PRKAR1B: variants seen among roughly 807,000 people sequenced by gnomAD.
PRKAR1B encodes protein kinase cAMP-dependent type I regulatory subunit beta.
A neutral mutation model predicts 46.5 loss-of-function variants in PRKAR1B; 22 were observed. The ratio of observed to expected loss-of-function variants is 0.47; its 90% confidence interval spans 0.34 to 0.68. The LOEUF (loss-of-function observed/expected upper bound fraction) is 0.68. PRKAR1B is among the 30% of genes least tolerant of loss of function. The probability of loss-of-function intolerance (pLI) is 0.01; values close to 1 mark genes in which losing one functional copy is unlikely to be tolerated. For synonymous variants in PRKAR1B, 259 were observed against 217.7 expected, an observed-to-expected ratio of 1.19 and a Z score of -1.67; for missense variants, 445 against 535.6, an observed-to-expected ratio of 0.83 and a Z score of 1.67.
At chr7:680,192 G>C (rs990932051) in intron 3 of PRKAR1B, among the ~76,000 whole-genome samples, 4 of 150,592 alleles carry the variant, frequency 2.7e-5, no homozygotes, top group African/African-American at 9.8e-5. Context: ...AGAGACCAGA[G>C]AGGCTGCAGG....
intron 7 of PRKAR1B, among the ~76,000 whole-genome samples, chr7:587,620 A>G (rs1389372885): frequency 1.3e-5 from 2 of 152,244 alleles, no homozygotes; most frequent in Non-Finnish European, 2.9e-5. Flanking sequence ...TCACATGGGA[A>G]AATGAGGGAC....
chr7:686,729 A>G (rs1400150323), intron 2 of PRKAR1B, among the ~76,000 whole-genome samples: 1 of 152,154 alleles, frequency 6.6e-6, no homozygotes, highest in Non-Finnish European at 1.5e-5. Flanking sequence ...CTACCACAGC[A>G]GAGAAGAATT....
intron 9 of PRKAR1B, among the ~76,000 whole-genome samples, chr7:559,244 G>C (rs112052058): frequency 6.6e-6 from 1 of 152,194 alleles, no homozygotes; most frequent in Non-Finnish European, 1.5e-5. Context: ...TCAGGGGGCG[G>C]CCAGTGAAGG....
At chr7:577,074 A>G (rs1382812295) in intron 9 of PRKAR1B, among the ~76,000 whole-genome samples, 3 of 151,048 alleles carry the variant, frequency 2.0e-5, no homozygotes, top group Admixed American at 6.6e-5. Context: ...ACCCAATGCC[A>G]TCAGCGGCCT....
At chr7:583,485 A>G (rs976401962) in intron 8 of PRKAR1B, among the ~76,000 whole-genome samples, 6 of 125,090 alleles carry the variant, frequency 4.8e-5, no homozygotes, top group Non-Finnish European at 1.1e-4. Context: ...ACCCACGCAC[A>G]CACGTGTGTG....
In PRKAR1B at chr7:563,529, G is replaced by T. The variant is rs146468245; in HGVS notation, c.892-12059C>A. 2.0e-5 allele frequency among the ~76,000 whole-genome samples: 3 copies of T among 152,374 alleles called. No homozygotes were observed. In the South Asian group the frequency reaches 6.2e-4, roughly 32 times the overall value. ...GCTTCAGCCTCTGCAACCTCTGCACGCTGGGTGTGTGTGTGCATGCATGTG... is the reference window on the plus strand; with the variant it reads ...GCTTCAGCCTCTGCAACCTCTGCACTCTGGGTGTGTGTGTGCATGCATGTG... On this transcript the variant is annotated intron_variant, in intron 9 of 10. Coordinates refer to ENST00000537384, the MANE Select transcript of PRKAR1B (RefSeq NM_001164760.2).
At chr7:601,859 T>TA (rs955462831) in intron 6 of PRKAR1B, among the ~76,000 whole-genome samples, 8 of 146,732 alleles carry the variant, frequency 5.5e-5, no homozygotes, top group African/African-American at 2.0e-4. Flanking sequence ...GCAGAGGCCT[T>TA]AAAGCTGCCT....
intron 4 of PRKAR1B, among the ~76,000 whole-genome samples, chr7:662,984 A>G (rs1374839872): frequency 1.3e-5 from 2 of 152,318 alleles, no homozygotes; most frequent in Admixed American, 1.3e-4. Context: ...GAAAAGATCT[A>G]AGAGTGTTCA....
In PRKAR1B at chr7:685,379, T is replaced by C. The variant is rs867877737; in HGVS notation, c.178-4653A>G. 1.6e-3 allele frequency among the ~76,000 whole-genome samples: 26 copies of C among 16,038 alleles called. 8 individuals are homozygous for C. The highest frequency in any genetic ancestry group is 9.9e-3 in the East Asian group (6 of 608). The allele number at this position is 16,038 out of a possible 152,430, so 10.5% of individuals were successfully genotyped here. A position where few individuals can be genotyped will look rare whatever the true frequency, so the allele number is the denominator to read the frequency against. Reference sequence around the variant, plus strand: ...ATATATATATACACATATATATATATACATACATATATATATATATATGTA... The same window carrying C: ...ATATATATATACACATATATATATACACATACATATATATATATATATGTA... On this transcript the variant is annotated intron_variant, in intron 2 of 10. Transcript: ENST00000537384.
At chr7:706,779 G>A (rs77746589) in intron 2 of PRKAR1B, among the ~76,000 whole-genome samples, 2,498 of 152,188 alleles carry the variant, frequency 0.016, 53 homozygotes, top group African/African-American at 0.046. Context: ...ACTCACTCAC[G>A]AAGGCCAGAG....
chr7:642,749 A>G (rs979576848), intron 4 of PRKAR1B, among the ~76,000 whole-genome samples: 9 of 148,234 alleles, frequency 6.1e-5, no homozygotes, highest in Non-Finnish European at 4.5e-5. Flanking sequence ...AAAAAAAAAA[A>G]GAAAGAAACA....
intron 4 of PRKAR1B, among the ~76,000 whole-genome samples, chr7:637,226 T>C (rs1163390741): frequency 6.6e-6 from 1 of 152,060 alleles, no homozygotes; most frequent in Non-Finnish European, 1.5e-5. Flanking sequence ...GGCAGAGGTC[T>C]AGCCTACATG....
chr7:579,595 G>A (rs987279079), intron 8 of PRKAR1B, among the ~76,000 whole-genome samples: 3 of 152,346 alleles, frequency 2.0e-5, no homozygotes, highest in East Asian at 1.9e-4. Flanking sequence ...GGTCCCAGAC[G>A]CATGCAGCTC....
rs912410158 is a variant in PRKAR1B at position 714,059 on chromosome 7, C to T, written c.-22-2532G>A. 6.6e-6 allele frequency among the ~76,000 whole-genome samples: 1 copy of T among 152,174 alleles called. No homozygotes were observed. The highest frequency in any genetic ancestry group is 6.5e-5 in the Admixed American group (1 of 15,278). ...CTGCTGCTGACCAGCAGTACCATCA[C>T]GTGCTCCCCGCGGCCCCTCCACTCC... On this transcript the variant is annotated intron_variant, in intron 1 of 10. Coordinates refer to ENST00000537384, the MANE Select transcript of PRKAR1B (RefSeq NM_001164760.2). This position sits in a 1 kb window ranked among gnomAD's most constrained non-coding sequence, Gnocchi z 4.3.
chr7:699,292 T>C (rs1163620664), intron 2 of PRKAR1B, among the ~76,000 whole-genome samples: 1 of 152,156 alleles, frequency 6.6e-6, no homozygotes, highest in African/African-American at 2.4e-5. Flanking sequence ...CAGGCCTGCG[T>C]GAGAATTCGA....
At chr7:657,358 T>G (rs1312376150) in intron 4 of PRKAR1B, among the ~76,000 whole-genome samples, 1 of 151,956 alleles carries the variant, frequency 6.6e-6, no homozygotes, top group African/African-American at 2.4e-5. Flanking sequence ...GATGGGTGAA[T>G]GAAGGAATTG....
intron 6 of PRKAR1B, among the ~76,000 whole-genome samples, chr7:597,804 C>A (rs547889557): frequency 6.6e-6 from 1 of 152,374 alleles, no homozygotes; most frequent in African/African-American, 2.4e-5. Flanking sequence ...GGCCTGGGCA[C>A]AGCCTGGCCT....
intron 6 of PRKAR1B, among the ~76,000 whole-genome samples, chr7:597,756 C>T (rs1781347700): frequency 6.6e-6 from 1 of 152,206 alleles, no homozygotes. Flanking sequence ...GGGGCACAGC[C>T]TGGCCTGCGG....
chr7:566,418 CACCATCACCACCATCACCATCACCACA>C (rs1202044564), intron 9 of PRKAR1B, among the ~76,000 whole-genome samples: 1 of 151,986 alleles, frequency 6.6e-6, no homozygotes, highest in Non-Finnish European at 1.5e-5. Flanking sequence ...CCATCATTAT[CACCATCACCACCATCACCATCACCACA>C]ACCATCATCA....
Sources: gnomAD v4.1 joint callset for allele counts (sites outside exome capture counted in the v4.1 genomes callset) on GRCh38, gnomAD v4.1.1 for gene constraint, Gnocchi (gnomAD v3.1) non-coding constraint, MANE v1.5 for transcripts, NCBI Gene and HGNC (gene_info 2026-07-23, HGNC 2026-07-21) for gene names.